SCN3A: variants seen among roughly 807,000 people sequenced by gnomAD.
The protein encoded by SCN3A is sodium channel protein type 3 subunit alpha.
A neutral mutation model predicts 187.6 loss-of-function variants in SCN3A; 60 were observed. The observed-to-expected ratio is 0.32, with a 90% CI of 0.26 to 0.40. SCN3A has a LOEUF of 0.40. SCN3A is among the 10% of genes least tolerant of loss of function. The probability of loss-of-function intolerance (pLI) is 1.00; values close to 1 mark genes in which losing one functional copy is unlikely to be tolerated. For synonymous variants in SCN3A, 788 were observed against 829.2 expected (o/e 0.95, Z 0.85); for missense variants, 1,601 against 2,428.2 (o/e 0.66, Z 7.16).
chr2:165,143,577 A>G (rs1688145742), intron 12 of SCN3A, among the ~76,000 whole-genome samples: 1 of 152,186 alleles, frequency 6.6e-6, no homozygotes. Context: ...TAAACCAAAA[A>G]TAACACACTA....
intron 21 of SCN3A, among the ~76,000 whole-genome samples, chr2:165,104,566 G>A (rs1212328561): frequency 5.3e-5 from 8 of 149,596 alleles, no homozygotes; most frequent in Non-Finnish European, 7.4e-5. Context: ...AAAAAAGCCC[G>A]GAATATTTTT....
At chr2:165,154,326 T>C (rs1688879934) in intron 11 of SCN3A, 126 bp downstream of exon 11, 1 of 1,051,388 alleles carries the variant, frequency 9.5e-7, no homozygotes, top group Non-Finnish European at 1.4e-6. Flanking sequence ...AATACTTTTT[T>C]TTCTAATGAC....
At chr2:165,193,210 G>T (rs529871031) in intron 1 of SCN3A, among the ~76,000 whole-genome samples, 1 of 152,176 alleles carries the variant, frequency 6.6e-6, no homozygotes, top group South Asian at 2.1e-4. Context: ...AGCAAGAGGC[G>T]AATCCCTTAT....
intron 2 of SCN3A, among the ~76,000 whole-genome samples, chr2:165,180,562 C>T (rs1472165792): frequency 6.6e-6 from 1 of 151,652 alleles, no homozygotes; most frequent in African/African-American, 2.4e-5. Context: ...TCAGTAGAGA[C>T]ACATTGAGCA....
chr2:165,191,678 C>T (rs1361067532), intron 1 of SCN3A, among the ~76,000 whole-genome samples: 4 of 152,158 alleles, frequency 2.6e-5, no homozygotes, highest in African/African-American at 9.7e-5. Flanking sequence ...TCTTACCCTG[C>T]TCTGATGTTT....
intron 12 of SCN3A, among the ~76,000 whole-genome samples, chr2:165,142,226 CT>C (rs1688052622): frequency 6.6e-6 from 1 of 152,112 alleles, no homozygotes; most frequent in Non-Finnish European, 1.5e-5. Flanking sequence ...TTCTTCTAAG[CT>C]TTAGTGTAAA....
intron 26 of SCN3A, 159 bp downstream of exon 26, chr2:165,094,215 A>C (rs1167980317): frequency 2.8e-6 from 2 of 724,024 alleles, no homozygotes; most frequent in Non-Finnish European, 5.0e-6. Context: ...GTAACTCCTA[A>C]TGAGTGCAGA....
At chr2:165,151,111 G>A (rs566647710) in intron 11 of SCN3A, among the ~76,000 whole-genome samples, 1 of 152,190 alleles carries the variant, frequency 6.6e-6, no homozygotes, top group East Asian at 1.9e-4. Flanking sequence ...TTACTACTCT[G>A]TATCCAATGG....
chr2:165,162,294 A>G lies in SCN3A; in HGVS notation c.1031+14T>C, dbSNP rs1689450927. The G allele has an allele frequency of 1.2e-6, 2 of 1,606,204 alleles. No homozygotes were observed. Among genetic ancestry groups the G allele is most frequent in the Middle Eastern group, 1.7e-4 (1 of 5,956 alleles). On this transcript the variant is annotated intron_variant, in intron 9 of 27. Transcript: ENST00000283254. The stretch of plus-strand genomic sequence containing the variant: ...AAGAGTTCTATATCTTAAAAAATAT[A>G]TTATGTTTCTTACCCTGCATCTGAG...
chr2:165,149,952 A>C (rs1174806149), intron 11 of SCN3A, among the ~76,000 whole-genome samples: 1 of 152,168 alleles, frequency 6.6e-6, no homozygotes, highest in African/African-American at 2.4e-5. Context: ...TTAAAATCCC[A>C]TTCAAAGCTA....
chr2:165,133,892 G>T (rs2105787131), intron 15 of SCN3A, among the ~76,000 whole-genome samples: 1 of 152,122 alleles, frequency 6.6e-6, no homozygotes, highest in South Asian at 2.1e-4. Context: ...ACATATTACT[G>T]AAAGTTATTA....
At chr2:165,145,266 A>G (rs546204564) in intron 12 of SCN3A, among the ~76,000 whole-genome samples, 3 of 152,076 alleles carry the variant, frequency 2.0e-5, no homozygotes, top group Non-Finnish European at 4.4e-5. Context: ...TAATTCTAAT[A>G]ACTCCTAATA....
intron 8 of SCN3A, 22 bp downstream of exon 8, chr2:165,162,534 A>G (rs1689472854): frequency 6.2e-7 from 1 of 1,613,658 alleles, no homozygotes; most frequent in African/African-American, 1.3e-5. Context: ...CACTAAGGTT[A>G]ACATAATGTA....
chr2:165,128,160 C>A, intron 17 of SCN3A, 59 bp from the exon 18 acceptor site: 1 of 1,303,108 alleles, frequency 7.7e-7, no homozygotes, highest in Non-Finnish European at 1.1e-6. Flanking sequence ...TAAATAACAG[C>A]CTAAAAAGGG....
chr2:165,107,066 T>C (rs967302846), intron 21 of SCN3A, among the ~76,000 whole-genome samples: 1 of 152,098 alleles, frequency 6.6e-6, no homozygotes, highest in African/African-American at 2.4e-5. Flanking sequence ...TCAGACTAAG[T>C]AGGGAATTTG....
chr2:165,186,197 G>C (rs191231899), intron 2 of SCN3A, among the ~76,000 whole-genome samples: 5 of 152,188 alleles, frequency 3.3e-5, no homozygotes, highest in African/African-American at 7.2e-5. Flanking sequence ...GTGAACCCGG[G>C]AGGCAGAGCT....
In SCN3A at chr2:165,091,348, A is replaced by G; in HGVS notation, c.4808-3T>C. ...TATCATCTCAGCCAGAAACATACCT[A>G]TGGAAAACATAGAACACAGCTAAAC... is the stretch of plus-strand genomic sequence containing the variant. On this transcript the variant is annotated splice_region_variant and splice_polypyrimidine_tract_variant and intron_variant, in intron 27 of 27. Coordinates refer to ENST00000283254, the MANE Select transcript of SCN3A (RefSeq NM_006922.4). 6.2e-7 allele frequency: 1 copy of G among 1,613,852 alleles called. No homozygotes were observed.
intron 9 of SCN3A, among the ~76,000 whole-genome samples, chr2:165,160,143 A>ACAAAAACAAAAT (rs1385045616): frequency 1.1e-5 from 1 of 94,000 alleles, no homozygotes; most frequent in Non-Finnish European, 1.9e-5. Context: ...AAAAACAAAA[A>ACAAAAACAAAAT]CAAAAACAAA....
In SCN3A at chr2:165,092,719, A is replaced by C; in HGVS notation, c.4537-195T>G. 1 of 599,378 alleles carries C rather than the reference A, an allele frequency of 1.7e-6. No individual in the cohort carries two copies. Among genetic ancestry groups the C allele is most frequent in the Non-Finnish European group, 2.9e-6 (1 of 344,586 alleles). 37.1% of individuals were successfully genotyped at this position (599,378 alleles called of 1,614,324 possible). ...AAAAATTTATATAGCTAAACAAAGC[A>C]TATTTGGTTTATATAGGTCCTATGG... is the stretch of plus-strand genomic sequence containing the variant. On this transcript the variant is annotated intron_variant, in intron 26 of 27. Coordinates refer to ENST00000283254, the MANE Select transcript of SCN3A (RefSeq NM_006922.4). The surrounding 1 kb of genome is among the most constrained non-coding windows in gnomAD (Gnocchi z 4.2).
Sources: gnomAD v4.1 joint callset for allele counts (sites outside exome capture counted in the v4.1 genomes callset) on GRCh38, gnomAD v4.1.1 for gene constraint, Gnocchi (gnomAD v3.1) non-coding constraint, MANE v1.5 for transcripts, NCBI Gene and HGNC (gene_info 2026-07-23, HGNC 2026-07-21) for gene names.